The following SEMA3E variants were observed in gnomAD, a reference collection of about 807,000 sequenced individuals.
The protein encoded by SEMA3E is semaphorin 3E.
SEMA3E carries 49 observed loss-of-function variants against 93.6 expected under a neutral mutation model. The observed-to-expected ratio is 0.52, with a 90% CI of 0.42 to 0.66. The LOEUF (loss-of-function observed/expected upper bound fraction) is 0.66, where lower values mean the gene tolerates loss of function less well. SEMA3E is among the 30% of genes least tolerant of loss of function. The pLI is 0.00. For missense variants in SEMA3E, 906 were observed against 964.8 expected (o/e 0.94, Z 0.81); for synonymous variants, 363 against 330.7 (o/e 1.10, Z -1.06).
At chr7:83,548,520 C>A (rs1584324025) in intron 1 of SEMA3E, among the ~76,000 whole-genome samples, 3 of 151,990 alleles carry the variant, frequency 2.0e-5, no homozygotes, top group East Asian at 3.9e-4. Flanking sequence ...ATTTTTTTCC[C>A]TCTCTAGAGA....
chr7:83,399,692 T>C (rs1788199375), intron 11 of SEMA3E, among the ~76,000 whole-genome samples: 1 of 152,224 alleles, frequency 6.6e-6, no homozygotes, highest in Admixed American at 6.5e-5. Context: ...GCATGAAGTA[T>C]TGATCATGTA....
intron 4 of SEMA3E, among the ~76,000 whole-genome samples, chr7:83,450,576 C>T (rs917601478): frequency 1.3e-5 from 2 of 151,744 alleles, no homozygotes; most frequent in Non-Finnish European, 2.9e-5. Context: ...TGATAGAAAT[C>T]ATAATAGTGT....
chr7:83,463,749 A>G (rs946415338), intron 4 of SEMA3E, among the ~76,000 whole-genome samples: 1 of 152,010 alleles, frequency 6.6e-6, no homozygotes, highest in African/African-American at 2.4e-5. Flanking sequence ...TTTCCTTTCC[A>G]TCGTGGAAAT....
intron 1 of SEMA3E, among the ~76,000 whole-genome samples, chr7:83,599,313 C>T (rs1418396482): frequency 6.6e-6 from 1 of 152,046 alleles, no homozygotes; most frequent in Admixed American, 6.6e-5. Flanking sequence ...CTTTCTTTTC[C>T]CCTTCTAGAG....
chr7:83,443,445 C>T (rs1467523559), intron 4 of SEMA3E, among the ~76,000 whole-genome samples: 1 of 152,184 alleles, frequency 6.6e-6, no homozygotes, highest in Non-Finnish European at 1.5e-5. Flanking sequence ...TACTGCCTCC[C>T]CTGATGTATT....
rs768289406 is a variant in SEMA3E at position 83,390,206 on chromosome 7, CATATATGCGCGT to C, written c.1667+2337_1667+2348del. Among the ~76,000 whole-genome samples, 202 of 82,568 alleles carry C rather than the reference CATATATGCGCGT, an allele frequency of 2.4e-3. 58 individuals are homozygous for C. The highest frequency in any genetic ancestry group is 0.014 in the African/African-American group (195 of 14,124). 54.2% of individuals were successfully genotyped at this position (82,568 alleles called of 152,430 possible). A position where few individuals can be genotyped will look rare whatever the true frequency, so the allele number is the denominator to read the frequency against. On this transcript the variant is annotated intron_variant, in intron 14 of 16. Transcript: ENST00000643230. ...ACATATATGCGCGTATACGTGTGCACATATATGCGCGTATATATGCGCGTATATATGCGCGTA... is the reference window on the plus strand; with the variant it reads ...ACATATATGCGCGTATACGTGTGCACATATATGCGCGTATATATGCGCGTA...
At position 83,443,860 on chromosome 7, in the gene SEMA3E, TAATA is replaced by T. The variant is rs1284328768; in HGVS notation, c.456+22618_456+22621del. Reference sequence around the variant, plus strand: ...AACAACTATTTAAGGGTCTAGCAATTAATAGTTTATAAATAACTAGGTTAAGTTA... The same window carrying T: ...AACAACTATTTAAGGGTCTAGCAATTGTTTATAAATAACTAGGTTAAGTTA... On this transcript the variant is annotated intron_variant, in intron 4 of 16. Coordinates refer to ENST00000643230, the MANE Select transcript of SEMA3E (RefSeq NM_012431.3). Among the ~76,000 whole-genome samples, 14 of 151,810 alleles carry T rather than the reference TAATA, an allele frequency of 9.2e-5. No individual in the cohort carries two copies. In the East Asian group the frequency reaches 2.1e-3, roughly 23 times the overall value.
chr7:83,441,603 G>A (rs1159961887), intron 4 of SEMA3E, among the ~76,000 whole-genome samples: 2 of 152,126 alleles, frequency 1.3e-5, no homozygotes, highest in African/African-American at 4.8e-5. Flanking sequence ...AGTATTCTAG[G>A]TGCTTTATTT....
intron 1 of SEMA3E, among the ~76,000 whole-genome samples, chr7:83,622,780 T>C (rs571350228): frequency 6.6e-6 from 1 of 152,036 alleles, no homozygotes; most frequent in Non-Finnish European, 1.5e-5. Flanking sequence ...AACTGAAAGA[T>C]GAGAACACAT....
chr7:83,616,070 C>A (rs2115604750), intron 1 of SEMA3E, among the ~76,000 whole-genome samples: 1 of 151,832 alleles, frequency 6.6e-6, no homozygotes, highest in East Asian at 1.9e-4. Flanking sequence ...AGCTAGATAA[C>A]CCGTTGGGGT....
chr7:83,478,876 T>A (rs188007518), intron 2 of SEMA3E, among the ~76,000 whole-genome samples: 3 of 152,220 alleles, frequency 2.0e-5, no homozygotes, highest in Non-Finnish European at 4.4e-5. Context: ...CTAATACAGA[T>A]GTACCTGGTT....
intron 1 of SEMA3E, among the ~76,000 whole-genome samples, chr7:83,543,590 G>A (rs1477383705): frequency 1.3e-5 from 2 of 152,050 alleles, no homozygotes; most frequent in Admixed American, 6.6e-5. Flanking sequence ...ATACATGACT[G>A]TAAAAATGCT....
chr7:83,617,560 T>C lies in SEMA3E; in HGVS notation c.115+30868A>G, dbSNP rs1182790940. Among the ~76,000 whole-genome samples, 3 of 146,726 alleles carry C rather than the reference T, an allele frequency of 2.0e-5. No individual in the cohort carries two copies. The Admixed American group carries it at 2.0e-4, about 10-fold the overall frequency. On this transcript the variant is annotated intron_variant, in intron 1 of 16. Coordinates refer to ENST00000643230, the MANE Select transcript of SEMA3E (RefSeq NM_012431.3). ...TATATAAGTAATATATAATTTTATA[T>C]AAATTTTATATAAGTAATATATAAT...
intron 1 of SEMA3E, among the ~76,000 whole-genome samples, chr7:83,587,060 T>A (rs1461333255): frequency 1.3e-5 from 2 of 152,126 alleles, no homozygotes; most frequent in East Asian, 3.9e-4. Flanking sequence ...TAGAATCCAG[T>A]TTGTCTTTTA....
At chr7:83,550,233 A>C (rs1182196149) in intron 1 of SEMA3E, among the ~76,000 whole-genome samples, 1 of 152,160 alleles carries the variant, frequency 6.6e-6, no homozygotes, top group Non-Finnish European at 1.5e-5. Context: ...TGCTTTAGAC[A>C]GATGGTATTT....
intron 1 of SEMA3E, among the ~76,000 whole-genome samples, chr7:83,545,395 A>G (rs1163235690): frequency 6.6e-6 from 1 of 152,112 alleles, no homozygotes; most frequent in East Asian, 1.9e-4. Context: ...CATGCACTTC[A>G]TAATTACAAA....
intron 1 of SEMA3E, among the ~76,000 whole-genome samples, chr7:83,535,097 T>A (rs1002066188): frequency 2.6e-5 from 4 of 152,180 alleles, no homozygotes; most frequent in African/African-American, 9.6e-5. Context: ...TCTGTAAATA[T>A]GCTAAATGTG....
At chr7:83,598,027 G>A (rs1227963854) in intron 1 of SEMA3E, among the ~76,000 whole-genome samples, 1 of 152,168 alleles carries the variant, frequency 6.6e-6, no homozygotes, top group South Asian at 2.1e-4. Flanking sequence ...CGAAGGCATT[G>A]CAACTAACTT....
At chr7:83,447,361 C>G (rs758407903) in intron 4 of SEMA3E, among the ~76,000 whole-genome samples, 2 of 151,926 alleles carry the variant, frequency 1.3e-5, no homozygotes, top group Non-Finnish European at 2.9e-5. Flanking sequence ...ATGGTGAAAC[C>G]CCGTCTCTAC....
Sources: allele counts gnomAD v4.1 joint callset (sites outside exome capture counted in the v4.1 genomes callset), GRCh38; gene constraint gnomAD v4.1.1; transcripts MANE v1.5; gene names NCBI Gene and HGNC (gene_info 2026-07-23, HGNC 2026-07-21).